The following CCSER1 variants were observed in gnomAD, a reference collection of about 807,000 sequenced individuals.
CCSER1 encodes coiled-coil serine rich protein 1, also known as serine-rich coiled-coil domain-containing protein 1.
In CCSER1, 41 loss-of-function variants were observed where a neutral mutation model predicts 82.0. That is an observed-to-expected ratio of 0.50 (90% CI 0.39 to 0.65). The LOEUF (loss-of-function observed/expected upper bound fraction) is 0.65, where lower values mean the gene tolerates loss of function less well. CCSER1 is among the 30% of genes least tolerant of loss of function. The pLI, the probability that CCSER1 is intolerant of heterozygous loss-of-function variation, is 0.00. For missense variants in CCSER1, 1,119 were observed against 1,064.2 expected, an observed-to-expected ratio of 1.05 and a Z score of -0.72; for synonymous variants, 414 against 383.9, an observed-to-expected ratio of 1.08 and a Z score of -0.92.
intron 9 of CCSER1, among the ~76,000 whole-genome samples, chr4:91,059,013 C>T (rs1471812113): frequency 6.6e-6 from 1 of 151,844 alleles, no homozygotes; most frequent in African/African-American, 2.4e-5. Context: ...AAATCTATTT[C>T]CCACGCAAAA....
At chr4:90,164,806 A>C (rs1164258913) in intron 1 of CCSER1, among the ~76,000 whole-genome samples, 2 of 152,124 alleles carry the variant, frequency 1.3e-5, no homozygotes, top group African/African-American at 2.4e-5. Context: ...CCATACCCAT[A>C]GACTACTCTC....
chr4:91,528,741 G>A (rs747068113), intron 10 of CCSER1, among the ~76,000 whole-genome samples: 1 of 152,124 alleles, frequency 6.6e-6, no homozygotes, highest in Non-Finnish European at 1.5e-5. Context: ...TCCCTTCTGT[G>A]TAAAGTCTGC....
At chr4:90,417,862 A>G (rs1756055065) in intron 4 of CCSER1, among the ~76,000 whole-genome samples, 1 of 152,186 alleles carries the variant, frequency 6.6e-6, no homozygotes, top group African/African-American at 2.4e-5. Flanking sequence ...GGTAATGTAC[A>G]GAGAATTGCA....
chr4:90,250,280 G>GT (rs1475963571), intron 1 of CCSER1, among the ~76,000 whole-genome samples: 1 of 151,938 alleles, frequency 6.6e-6, no homozygotes, highest in Non-Finnish European at 1.5e-5. Context: ...ATTTGGCATT[G>GT]TATCTAAGAA....
chr4:90,432,644 T>A (rs1486167861), intron 4 of CCSER1, among the ~76,000 whole-genome samples: 1 of 151,826 alleles, frequency 6.6e-6, no homozygotes, highest in South Asian at 2.1e-4. Context: ...GTTTGGAGAC[T>A]GGGTGTTACT....
chr4:90,542,510 G>A (rs1776241096), intron 5 of CCSER1, among the ~76,000 whole-genome samples: 1 of 152,054 alleles, frequency 6.6e-6, no homozygotes, highest in Non-Finnish European at 1.5e-5. Context: ...TTGTTTTGAT[G>A]CAAATAAGGT....
At chr4:90,523,841 G>A (rs1204932703) in intron 5 of CCSER1, among the ~76,000 whole-genome samples, 1 of 152,020 alleles carries the variant, frequency 6.6e-6, no homozygotes, top group African/African-American at 2.4e-5. Flanking sequence ...ACTATAAAAT[G>A]CCAGTAATAA....
At chr4:90,821,959 G>T (rs565891316) in intron 8 of CCSER1, among the ~76,000 whole-genome samples, 1 of 152,108 alleles carries the variant, frequency 6.6e-6, no homozygotes, top group Admixed American at 6.6e-5. Context: ...TCTTGTAAAT[G>T]ATTATTAATC....
intron 5 of CCSER1, among the ~76,000 whole-genome samples, chr4:90,536,923 G>A (rs1775457936): frequency 6.6e-6 from 1 of 152,156 alleles, no homozygotes; most frequent in Admixed American, 6.5e-5. Flanking sequence ...CTTTATCATT[G>A]ATATGTAGTG....
chr4:91,591,008 A>G (rs769683426), intron 10 of CCSER1, among the ~76,000 whole-genome samples: 16 of 152,090 alleles, frequency 1.1e-4, no homozygotes, highest in Non-Finnish European at 2.2e-4. Context: ...AGTGGTTCTC[A>G]ACTGGGGGCA....
At chr4:91,122,004 A>G (rs1727132310) in intron 10 of CCSER1, among the ~76,000 whole-genome samples, 1 of 151,744 alleles carries the variant, frequency 6.6e-6, no homozygotes, top group Non-Finnish European at 1.5e-5. Context: ...TTTCAGAATG[A>G]ATGAAGAAGA....
intron 3 of CCSER1, among the ~76,000 whole-genome samples, chr4:90,387,321 T>G (rs999030935): frequency 6.6e-6 from 1 of 152,186 alleles, no homozygotes; most frequent in Non-Finnish European, 1.5e-5. Context: ...TTTTTAACTT[T>G]AGGCTTAAAT....
Position 90,858,528 on chromosome 4 carries a change from A to G in CCSER1, c.2094+42683A>G, listed in dbSNP as rs1391955357. Among the ~76,000 whole-genome samples, 5 of 152,116 alleles carry G rather than the reference A, an allele frequency of 3.3e-5. 1 individual carries two copies. Among genetic ancestry groups the G allele is most frequent in the African/African-American group, 2.4e-5 (1 of 41,566 alleles). ...AAATTCTTTACGTTAAGGAATCTAA[A>G]TACATTTGATTTGGAGATAGTATTG... On this transcript the variant is annotated intron_variant, in intron 8 of 10. Transcript: ENST00000509176.
At chr4:90,602,995 C>CA (rs1560792025) in intron 5 of CCSER1, among the ~76,000 whole-genome samples, 2 of 152,164 alleles carry the variant, frequency 1.3e-5, no homozygotes, top group African/African-American at 4.8e-5. Context: ...GGAAAGTAAG[C>CA]AGATCTGTTC....
intron 10 of CCSER1, among the ~76,000 whole-genome samples, chr4:91,260,762 AT>A (rs200337175): frequency 0.037 from 5,635 of 150,708 alleles, 149 homozygotes; most frequent in African/African-American, 0.073. Flanking sequence ...TTATTTATTT[AT>A]TTTTTTATTT....
chr4:91,148,571 G>C (rs1001496216), intron 10 of CCSER1, among the ~76,000 whole-genome samples: 8 of 151,968 alleles, frequency 5.3e-5, no homozygotes. Context: ...TGCCATGTTG[G>C]TGTGCTGCAC....
intron 1 of CCSER1, among the ~76,000 whole-genome samples, chr4:90,212,205 C>A (rs1656801785): frequency 6.6e-6 from 1 of 152,088 alleles, no homozygotes. Flanking sequence ...GTAAAGAGCT[C>A]AAGTTTTGAG....
intron 1 of CCSER1, among the ~76,000 whole-genome samples, chr4:90,163,053 A>C (rs1725185133): frequency 6.6e-6 from 1 of 152,148 alleles, no homozygotes; most frequent in Non-Finnish European, 1.5e-5. Context: ...ACACATTTTG[A>C]AAGAAGAGAT....
intron 10 of CCSER1, among the ~76,000 whole-genome samples, chr4:91,451,188 T>C: frequency 6.6e-6 from 1 of 152,016 alleles, no homozygotes; most frequent in East Asian, 1.9e-4. Context: ...CATGAGGCCT[T>C]ATGCTCATGA....
Sources: allele counts gnomAD v4.1 joint callset (sites outside exome capture counted in the v4.1 genomes callset), GRCh38; gene constraint gnomAD v4.1.1; transcripts MANE v1.5; gene names NCBI Gene and HGNC (gene_info 2026-07-23, HGNC 2026-07-21).